The following KTN1 variants were observed in gnomAD, a reference collection of about 807,000 sequenced individuals.
KTN1 encodes the protein kinectin.
KTN1 carries 130 observed loss-of-function variants against 222.5 expected under a neutral mutation model. The ratio of observed to expected loss-of-function variants is 0.58; its 90% CI spans 0.51 to 0.68. The LOEUF (loss-of-function observed/expected upper bound fraction) is 0.68, where lower values mean the gene tolerates loss of function less well. Ranked by LOEUF, KTN1 falls within the 30% of genes least tolerant of loss-of-function variation. The pLI is 0.00. For missense variants in KTN1, 1,508 were observed against 1,500.4 expected, an observed-to-expected ratio of 1.01 and a Z score of -0.08; for synonymous variants, 512 against 496.3, an observed-to-expected ratio of 1.03 and a Z score of -0.42.
At chr14:55,666,914 T>A (rs573021747) in intron 33 of KTN1, among the ~76,000 whole-genome samples, 3 of 151,998 alleles carry the variant, frequency 2.0e-5, no homozygotes, top group Non-Finnish European at 2.9e-5. Context: ...GTTTTAGCTA[T>A]AAGAAATGCT....
rs544020158 is a variant in KTN1, at chr14:55,684,334, C to T, written c.*231C>T. ...AATAAAAACTGTTTGAATAATTAGACCTTTACATTCCTGAAGATAAACATG... is the reference window on the plus strand; with the variant it reads ...AATAAAAACTGTTTGAATAATTAGATCTTTACATTCCTGAAGATAAACATG... On this transcript the variant is annotated 3_prime_UTR_variant, in exon 44 of 44. Coordinates refer to ENST00000395314, the MANE Select transcript of KTN1 (RefSeq NM_001079521.2). 130 of 387,310 alleles carry T rather than the reference C, an allele frequency of 3.4e-4. 1 individual carries two copies. Among genetic ancestry groups the T allele is most frequent in the African/African-American group, 2.5e-3 (122 of 48,154 alleles). The allele number at this position is 387,310 out of a possible 1,614,324, so 24.0% of individuals were successfully genotyped here. A position where few individuals can be genotyped will look rare whatever the true frequency, so the allele number is the denominator to read the frequency against.
rs752297995 is a variant in KTN1, at chr14:55,634,705, G to A, written c.1461+47G>A. ...TTGTCATTTCATGAATAATATAGGC[G>A]TATTAGTTCGTTTTCATACTGGTAT... On this transcript the variant is annotated intron_variant, in intron 9 of 43. Transcript: ENST00000395314. 82 of 1,531,298 alleles carry A rather than the reference G, an allele frequency of 5.4e-5. No homozygotes were observed. The East Asian group carries it at 8.9e-4, about 17-fold the overall frequency. 94.9% of individuals were successfully genotyped at this position (1,531,298 alleles called of 1,614,324 possible). A position where few individuals can be genotyped will look rare whatever the true frequency, so the allele number is the denominator to read the frequency against.
intron 34 of KTN1, 96 bp downstream of exon 34, chr14:55,667,426 T>A: frequency 1.6e-6 from 1 of 616,648 alleles, no homozygotes; most frequent in Non-Finnish European, 2.7e-6. Context: ...TTCAGTAGAG[T>A]GCTGATTTCT....
chr14:55,631,338 G>GGTGA (rs2040481844), intron 7 of KTN1, among the ~76,000 whole-genome samples: 1 of 54,610 alleles, frequency 1.8e-5, no homozygotes, highest in Non-Finnish European at 3.5e-5. Flanking sequence ...TATTGATAAG[G>GGTGA]TTGATATATA....
At chr14:55,651,441 G>T (rs2042927718) in intron 24 of KTN1, 1 of 444,006 alleles carries the variant, frequency 2.3e-6, no homozygotes, top group Admixed American at 2.5e-5. Context: ...CTGTTGAGTA[G>T]TTGGCCTTGA....
chr14:55,601,586 A>G (rs1373739100), intron 1 of KTN1, among the ~76,000 whole-genome samples: 7 of 151,980 alleles, frequency 4.6e-5, no homozygotes, highest in Middle Eastern at 3.4e-3. Flanking sequence ...TGCTTTGTCT[A>G]TTTTTCTCAT....
rs1215164272 is a variant in KTN1, at chr14:55,684,364, CT to C, written c.*265del. 4.7e-5 allele frequency: 16 copies of C among 343,232 alleles called. No homozygotes were observed. The highest frequency in any genetic ancestry group is 8.4e-5 in the Non-Finnish European group (16 of 190,726). The allele number at this position is 343,232 out of a possible 1,614,324, so 21.3% of individuals were successfully genotyped here. On this transcript the variant is annotated 3_prime_UTR_variant, in exon 44 of 44. Transcript: ENST00000395314. ...ACATTCCTGAAGATAAACATGTAAT[CT>C]TTTATCTTATTTTGCTCAATAAAAT...
At chr14:55,584,731 T>TGTA (rs1395113625) in intron 1 of KTN1, among the ~76,000 whole-genome samples, 1 of 152,230 alleles carries the variant, frequency 6.6e-6, no homozygotes, top group African/African-American at 2.4e-5. Flanking sequence ...CAGTATTACA[T>TGTA]AGCTTCTATG....
intron 28 of KTN1, 51 bp from the exon 29 acceptor site, chr14:55,655,991 T>A: frequency 1.1e-5 from 12 of 1,109,498 alleles, no homozygotes; most frequent in Non-Finnish European, 1.6e-5. Flanking sequence ...GGAGTCTGGT[T>A]TTCCTTTTTT....
At chr14:55,650,533 C>A (rs770375717) in intron 23 of KTN1, 36 bp from the exon 24 acceptor site, 1 of 1,561,618 alleles carries the variant, frequency 6.4e-7, no homozygotes, top group Admixed American at 1.7e-5. Flanking sequence ...TTCTGTGTTT[C>A]CATTGTCCAA....
At chr14:55,610,214 A>C (rs76781264) in intron 1 of KTN1, among the ~76,000 whole-genome samples, 6 of 152,156 alleles carry the variant, frequency 3.9e-5, no homozygotes, top group Non-Finnish European at 7.3e-5. Flanking sequence ...TATGCAGGAG[A>C]TTGGCTTCAG....
intron 6 of KTN1, among the ~76,000 whole-genome samples, chr14:55,629,243 C>T (rs1051513532): frequency 2.0e-5 from 3 of 151,640 alleles, no homozygotes; most frequent in Admixed American, 1.3e-4. Flanking sequence ...GGTGAAACCC[C>T]GTCTCTAATA....
At chr14:55,621,490 TCA>T (rs1188308385) in intron 5 of KTN1, among the ~76,000 whole-genome samples, 12 of 152,180 alleles carry the variant, frequency 7.9e-5, no homozygotes, top group South Asian at 4.1e-4. Context: ...GTGGCTGGCC[TCA>T]CAATCATGGT....
chr14:55,580,528 CG>C (rs2031148966), intron 1 of KTN1, among the ~76,000 whole-genome samples, 174 bp downstream of exon 1: 1 of 149,588 alleles, frequency 6.7e-6, no homozygotes, highest in Non-Finnish European at 1.5e-5. Context: ...GTTGCCGCCG[CG>C]GGGCTCTTGT....
chr14:55,647,588 A>G (rs12434609), intron 19 of KTN1, among the ~76,000 whole-genome samples: 49,685 of 139,292 alleles, frequency 0.36, 8,845 homozygotes, highest in South Asian at 0.42. Context: ...AGCCGAAATC[A>G]TGCCATTGCA....
At position 55,592,863 on chromosome 14, in the gene KTN1, A is replaced by G. The variant is rs117255251; in HGVS notation, c.-31+12509A>G. On this transcript the variant is annotated intron_variant, in intron 1 of 43. Coordinates refer to ENST00000395314, the MANE Select transcript of KTN1 (RefSeq NM_001079521.2). ...GTATACTTACAGTATGAGGAATCAAATCTTTAATTTTGAAAAATTCTCACC... is the reference window on the plus strand; with the variant it reads ...GTATACTTACAGTATGAGGAATCAAGTCTTTAATTTTGAAAAATTCTCACC... Among the ~76,000 whole-genome samples, 129 of 152,332 alleles carry G rather than the reference A, an allele frequency of 8.5e-4. 1 individual carries two copies. The East Asian group carries it at 0.014, about 17-fold the overall frequency.
intron 33 of KTN1, among the ~76,000 whole-genome samples, chr14:55,664,300 T>G (rs751998055): frequency 5.3e-5 from 8 of 152,180 alleles, no homozygotes; most frequent in Non-Finnish European, 1.2e-4. Context: ...AAGACCGATG[T>G]TAACCTCTTG....
chr14:55,676,601 A>T (rs1184372981), intron 41 of KTN1, among the ~76,000 whole-genome samples: 1 of 152,202 alleles, frequency 6.6e-6, no homozygotes. Flanking sequence ...CCAGAAACCC[A>T]ACAGTAGTAA....
chr14:55,600,881 T>C (rs922365945), intron 1 of KTN1, among the ~76,000 whole-genome samples: 6 of 152,156 alleles, frequency 3.9e-5, no homozygotes, highest in Non-Finnish European at 8.8e-5. Context: ...ATTAGATTTT[T>C]TTTTTTACCG....
Sources: allele counts gnomAD v4.1 joint callset (sites outside exome capture counted in the v4.1 genomes callset), GRCh38; gene constraint gnomAD v4.1.1; transcripts MANE v1.5; gene names NCBI Gene and HGNC (gene_info 2026-07-23, HGNC 2026-07-21).